PPHLN1: variants seen among roughly 807,000 people sequenced by gnomAD.
The protein encoded by PPHLN1 is periphilin-1.
Under a neutral mutation model 51.3 loss-of-function variants are expected in PPHLN1, and 29 were observed. That is an observed-to-expected ratio of 0.57 (90% CI 0.42 to 0.77). PPHLN1 has a LOEUF of 0.77. Ranked by LOEUF, PPHLN1 falls within the 30% of genes least tolerant of loss-of-function variation. The pLI, the probability that PPHLN1 is intolerant of heterozygous loss-of-function variation, is 0.00. For missense variants in PPHLN1, 436 were observed against 438.4 expected (o/e 0.99, Z 0.05); for synonymous variants, 147 against 147.8 (o/e 0.99, Z 0.04).
intron 4 of PPHLN1, among the ~76,000 whole-genome samples, chr12:42,363,306 CT>C: frequency 6.7e-6 from 1 of 149,326 alleles, no homozygotes; most frequent in East Asian, 2.0e-4. Context: ...TCTCCAGCAC[CT>C]TTTTTAAAAT....
intron 2 of PPHLN1, among the ~76,000 whole-genome samples, chr12:42,348,301 T>TTTTTTTA (rs1351410831): frequency 9.1e-5 from 12 of 131,462 alleles, no homozygotes; most frequent in African/African-American, 3.1e-4. Flanking sequence ...TTTTTTTTTT[T>TTTTTTTA]AGTAGAAACG....
chr12:42,327,546 A>C (rs992316773), intron 1 of PPHLN1, among the ~76,000 whole-genome samples: 4 of 152,166 alleles, frequency 2.6e-5, no homozygotes, highest in Non-Finnish European at 5.9e-5. Context: ...ACTTCTATTA[A>C]AGATCTGAGT....
At chr12:42,380,724 G>A (rs943707217) in intron 5 of PPHLN1, among the ~76,000 whole-genome samples, 8 of 152,080 alleles carry the variant, frequency 5.3e-5, no homozygotes, top group African/African-American at 1.7e-4. Flanking sequence ...GCTTTTCTAT[G>A]CAGATTTGAA....
At chr12:42,386,058 A>G (rs1212135198) in intron 6 of PPHLN1, among the ~76,000 whole-genome samples, 1 of 152,202 alleles carries the variant, frequency 6.6e-6, no homozygotes, top group Non-Finnish European at 1.5e-5. Flanking sequence ...ACCACAAGTT[A>G]AAAGACTCTA....
At chr12:42,326,471 AGCTAG>A (rs1430384410) in intron 1 of PPHLN1, among the ~76,000 whole-genome samples, 1 of 152,128 alleles carries the variant, frequency 6.6e-6, no homozygotes, top group Non-Finnish European at 1.5e-5. Context: ...AAGACGACTG[AGCTAG>A]GTAACTTCAG....
intron 1 of PPHLN1, among the ~76,000 whole-genome samples, chr12:42,333,567 C>G (rs1169504313): frequency 6.6e-6 from 1 of 151,956 alleles, no homozygotes; most frequent in Non-Finnish European, 1.5e-5. Flanking sequence ...ACTGCAAGCT[C>G]CGCCTCCCGG....
In PPHLN1 at chr12:42,326,224, G is replaced by C. The variant is rs970093586; in HGVS notation, c.-26G>C. 2 of 152,324 alleles carry C rather than the reference G, an allele frequency of 1.3e-5. No individual in the cohort carries two copies. The highest frequency in any genetic ancestry group is 2.9e-5 in the Non-Finnish European group (2 of 68,118). The allele number at this position is 152,324 out of a possible 1,614,324, so 9.4% of individuals were successfully genotyped here. ...ATTTACGGGGTCTCCCGGAGGGCCA[G>C]AGTCGGTGAGCGCTTTTTACCTTTC... On this transcript the variant is annotated 5_prime_UTR_variant, in exon 1 of 10. Transcript: ENST00000358314.
chr12:42,350,640 C>T (rs976076023), intron 2 of PPHLN1, among the ~76,000 whole-genome samples: 4 of 152,212 alleles, frequency 2.6e-5, no homozygotes, highest in East Asian at 1.9e-4. Context: ...TTGTAGCGAG[C>T]GGAGATCACG....
intron 9 of PPHLN1, among the ~76,000 whole-genome samples, chr12:42,413,562 G>A (rs1439651735): frequency 1.7e-5 from 2 of 120,986 alleles, no homozygotes; most frequent in African/African-American, 5.4e-5. Context: ...GTGTGTGTGT[G>A]TGTGTGTGTA....
At chr12:42,336,161 A>T (rs61375966) in intron 2 of PPHLN1, among the ~76,000 whole-genome samples, 187 bp downstream of exon 2, 24,749 of 152,188 alleles carry the variant, frequency 0.16, 2,064 homozygotes, top group Admixed American at 0.2. Context: ...TTATTTAAGT[A>T]GAAAACTTAT....
chr12:42,431,764 C>A, intron 9 of PPHLN1: 1 of 1,035,182 alleles, frequency 9.7e-7, no homozygotes, highest in Non-Finnish European at 1.5e-6. Flanking sequence ...TTAGAAATGT[C>A]ATTGCCAGAA....
chr12:42,352,449 C>T (rs1197467203), intron 3 of PPHLN1, among the ~76,000 whole-genome samples: 1 of 150,950 alleles, frequency 6.6e-6, no homozygotes, highest in African/African-American at 2.4e-5. Flanking sequence ...TTACTCTGTC[C>T]CCCAGGTTGG....
At chr12:42,343,235 CA>C (rs2071755006) in intron 2 of PPHLN1, among the ~76,000 whole-genome samples, 2 of 151,904 alleles carry the variant, frequency 1.3e-5, no homozygotes, top group Non-Finnish European at 2.9e-5. Context: ...CACTTTTATT[CA>C]AAATCTTCAC....
At chr12:42,366,870 T>G (rs1239037966) in intron 4 of PPHLN1, among the ~76,000 whole-genome samples, 4 of 152,206 alleles carry the variant, frequency 2.6e-5, no homozygotes, top group African/African-American at 9.6e-5. Flanking sequence ...AAATCAAGGT[T>G]AAACTTCTAG....
At chr12:42,349,709 A>C (rs1033737392) in intron 2 of PPHLN1, among the ~76,000 whole-genome samples, 3 of 152,070 alleles carry the variant, frequency 2.0e-5, no homozygotes, top group Non-Finnish European at 4.4e-5. Flanking sequence ...TGTTTCAGAG[A>C]GCACGGGGTT....
intron 9 of PPHLN1, among the ~76,000 whole-genome samples, chr12:42,420,626 ACACC>A (rs2080904413): frequency 1.4e-5 from 2 of 146,738 alleles, no homozygotes; most frequent in Admixed American, 1.4e-4. Context: ...GTGTGCCACC[ACACC>A]CAGCTACATA....
At chr12:42,411,598 T>C (rs1426791952) in intron 9 of PPHLN1, among the ~76,000 whole-genome samples, 1 of 152,156 alleles carries the variant, frequency 6.6e-6, no homozygotes, top group Non-Finnish European at 1.5e-5. Flanking sequence ...GCAGTGTATA[T>C]TGTATTCAAT....
chr12:42,365,416 C>G (rs1209965310), intron 4 of PPHLN1, among the ~76,000 whole-genome samples: 1 of 152,152 alleles, frequency 6.6e-6, no homozygotes, highest in Non-Finnish European at 1.5e-5. Context: ...CCCATTCTTC[C>G]CTTCCCTTGT....
chr12:42,357,285 A>G (rs2406874), intron 4 of PPHLN1, among the ~76,000 whole-genome samples: 24,745 of 152,182 alleles, frequency 0.16, 2,062 homozygotes, highest in Admixed American at 0.2. Context: ...TTGACAAGTT[A>G]ATTTTAAGAC....
Sources: gnomAD v4.1 joint callset for allele counts (sites outside exome capture counted in the v4.1 genomes callset) on GRCh38, gnomAD v4.1.1 for gene constraint, MANE v1.5 for transcripts, NCBI Gene and HGNC (gene_info 2026-07-23, HGNC 2026-07-21) for gene names.